OGDH: variants seen among roughly 807,000 people sequenced by gnomAD.
The protein encoded by OGDH is oxoglutarate dehydrogenase.
In OGDH, 38 loss-of-function variants were observed where a neutral mutation model predicts 116.6. That is an observed-to-expected ratio of 0.33 (90% CI 0.25 to 0.43). The LOEUF is 0.43. Ranked by LOEUF, OGDH falls within the 20% of genes least tolerant of loss-of-function variation. OGDH has a pLI of 1.00. For synonymous variants in OGDH, 488 were observed against 533.3 expected (o/e 0.92, Z 1.17); for missense variants, 825 against 1,357.2 (o/e 0.61, Z 6.16).
Position 44,675,327 on chromosome 7 carries a change from C to T in OGDH, c.1026+59C>T. ...GCCCCAACTTACACAAGACCCCTGG[C>T]TCCACTTCTTTCTTAGAATGACTTA... is the stretch of plus-strand genomic sequence containing the variant. On this transcript the variant is annotated intron_variant, in intron 8 of 22. Transcript: ENST00000222673. 4 of 1,365,470 alleles carry T rather than the reference C, an allele frequency of 2.9e-6. No homozygotes were observed. The South Asian group carries it at 4.8e-5, about 16-fold the overall frequency. 84.6% of individuals were successfully genotyped at this position (1,365,470 alleles called of 1,614,324 possible).
intron 2 of OGDH, among the ~76,000 whole-genome samples, chr7:44,644,239 T>G (rs748037487): frequency 4.7e-5 from 7 of 150,412 alleles, no homozygotes; most frequent in Non-Finnish European, 1.0e-4. Context: ...ATTGTGCTTT[T>G]CTTTTCTTTT....
chr7:44,674,046 G>A (rs1787583822), intron 6 of OGDH, 105 bp downstream of exon 6: 8 of 1,325,642 alleles, frequency 6.0e-6, no homozygotes, highest in Non-Finnish European at 8.4e-6. Flanking sequence ...GGTGAGAGGG[G>A]GTTTGGGGTG....
intron 1 of OGDH, among the ~76,000 whole-genome samples, chr7:44,610,977 A>G (rs1396403662): frequency 6.6e-6 from 1 of 152,140 alleles, no homozygotes; most frequent in African/African-American, 2.4e-5. Flanking sequence ...CTGGTTTACC[A>G]ATTTTATCTT....
chr7:44,613,006 G>A (rs926618312), intron 1 of OGDH, among the ~76,000 whole-genome samples: 2 of 151,008 alleles, frequency 1.3e-5, no homozygotes, highest in Admixed American at 1.3e-4. Flanking sequence ...TCAGCCTCCT[G>A]AGTAGCTGGG....
Position 44,697,529 on chromosome 7 carries a change from GTC to G in OGDH, c.2179+33_2179+34del, listed in dbSNP as rs1337439894. 1 of 1,613,208 alleles carries G rather than the reference GTC, an allele frequency of 6.2e-7. No homozygotes were observed. Among genetic ancestry groups the G allele is most frequent in the Non-Finnish European group, 8.5e-7 (1 of 1,179,416 alleles). On this transcript the variant is annotated intron_variant, in intron 16 of 22. Transcript: ENST00000222673. This position sits in a 1 kb window ranked among gnomAD's most constrained non-coding sequence, Gnocchi z 6.0. Reference sequence around the variant, plus strand: ...GCCTGGAGCCACACCACCAGGGCCTGTCACCCACCCACCCCCGCTGGGCCTAC... The same window carrying G: ...GCCTGGAGCCACACCACCAGGGCCTGACCCACCCACCCCCGCTGGGCCTAC...
intron 10 of OGDH, among the ~76,000 whole-genome samples, chr7:44,690,678 A>G (rs960437187): frequency 1.3e-5 from 2 of 152,216 alleles, no homozygotes; most frequent in African/African-American, 4.8e-5. Context: ...CACCTCCGTC[A>G]TGTGTGCTGC....
At chr7:44,645,991 G>C (rs1786160727) in intron 3 of OGDH, among the ~76,000 whole-genome samples, 2 of 152,182 alleles carry the variant, frequency 1.3e-5, no homozygotes, top group Non-Finnish European at 2.9e-5. Context: ...TGAGGGTACA[G>C]CTGAGCCTAC....
At chr7:44,664,729 G>A (rs920895748) in intron 4 of OGDH, among the ~76,000 whole-genome samples, 6 of 152,084 alleles carry the variant, frequency 3.9e-5, no homozygotes, top group Admixed American at 6.5e-5. Flanking sequence ...ACTTATTGGG[G>A]GAATAGGGAA....
intron 2 of OGDH, among the ~76,000 whole-genome samples, chr7:44,636,772 G>T (rs546972439): frequency 4.4e-4 from 67 of 152,306 alleles, no homozygotes; most frequent in African/African-American, 1.6e-3. Context: ...ATTTATTACA[G>T]CTAAGTGCTT....
In OGDH at chr7:44,629,575, CTTTTCTTT is replaced by C. The variant is rs1165862433; in HGVS notation, c.222+5015_222+5022del. Among the ~76,000 whole-genome samples, 188 of 134,416 alleles carry C rather than the reference CTTTTCTTT, an allele frequency of 1.4e-3. 7 individuals carry two copies. Among genetic ancestry groups the C allele is most frequent in the African/African-American group, 3.7e-3 (133 of 36,076 alleles). The allele number at this position is 134,416 out of a possible 152,430, so 88.2% of individuals were successfully genotyped here. A position where few individuals can be genotyped will look rare whatever the true frequency, so the allele number is the denominator to read the frequency against. ...TTTCTTTTCTTTCCTTTTTCTTTTT[CTTTTCTTT>C]TTTTTTTTTTTTTTTGAGACGAGTC... On this transcript the variant is annotated intron_variant, in intron 2 of 22. Transcript: ENST00000222673.
At chr7:44,637,760 A>C (rs1198245028) in intron 2 of OGDH, among the ~76,000 whole-genome samples, 1 of 151,976 alleles carries the variant, frequency 6.6e-6, no homozygotes, top group East Asian at 1.9e-4. Flanking sequence ...GGGTGGTTGC[A>C]GTGAGCCAAG....
Position 44,697,333 on chromosome 7 carries a change from A to G in OGDH, c.2052-37A>G. 1 of 1,611,870 alleles carries G rather than the reference A, an allele frequency of 6.2e-7. No homozygotes were observed. Among genetic ancestry groups the G allele is most frequent in the Non-Finnish European group, 8.5e-7 (1 of 1,178,150 alleles). On this transcript the variant is annotated intron_variant, in intron 15 of 22. Transcript: ENST00000222673. This position sits in a 1 kb window ranked among gnomAD's most constrained non-coding sequence, Gnocchi z 6.0. ...CCCCAGCGTATTTGCTTGTCAAGTC[A>G]GAGCTCCTAATTATTACCTCTGTTG...
chr7:44,650,920 G>A (rs1458692756), intron 4 of OGDH, among the ~76,000 whole-genome samples: 6 of 152,196 alleles, frequency 3.9e-5, no homozygotes, highest in Admixed American at 6.5e-5. Flanking sequence ...CCGCTTAGCC[G>A]CCCTTCCCAC....
At chr7:44,629,909 C>T (rs1463042339) in intron 2 of OGDH, among the ~76,000 whole-genome samples, 1 of 152,136 alleles carries the variant, frequency 6.6e-6, no homozygotes, top group Non-Finnish European at 1.5e-5. Context: ...GTTTTTTCTT[C>T]TTGCACTTTT....
intron 9 of OGDH, among the ~76,000 whole-genome samples, chr7:44,677,867 C>G (rs1787766321): frequency 6.7e-6 from 1 of 149,372 alleles, no homozygotes; most frequent in Non-Finnish European, 1.5e-5. Context: ...GAGGGAGACT[C>G]CTTCTCAAAG....
At chr7:44,608,421 G>A (rs1217633849) in intron 1 of OGDH, among the ~76,000 whole-genome samples, 1 of 151,048 alleles carries the variant, frequency 6.6e-6, no homozygotes, top group Non-Finnish European at 1.5e-5. Flanking sequence ...AAAAAAGGCC[G>A]GGCGCAGTGG....
In OGDH at chr7:44,630,860, T is replaced by C. The variant is rs565288502; in HGVS notation, c.222+6295T>C. Among the ~76,000 whole-genome samples, 3 of 152,356 alleles carry C rather than the reference T, an allele frequency of 2.0e-5. No individual in the cohort carries two copies. The South Asian group carries it at 6.2e-4, about 32-fold the overall frequency. Reference sequence around the variant, plus strand: ...GGGGAGGATGGCTTTGCAGTGAAACTGTTCCACCTCACATCAGGCATTAGT... The same window carrying C: ...GGGGAGGATGGCTTTGCAGTGAAACCGTTCCACCTCACATCAGGCATTAGT... On this transcript the variant is annotated intron_variant, in intron 2 of 22. Coordinates refer to ENST00000222673, the MANE Select transcript of OGDH (RefSeq NM_002541.4).
intron 1 of OGDH, among the ~76,000 whole-genome samples, chr7:44,611,867 C>T (rs961523645): frequency 2.0e-5 from 3 of 150,410 alleles, no homozygotes; most frequent in African/African-American, 4.9e-5. Flanking sequence ...TTGTGGCCAG[C>T]TTTTTTTGAG....
At chr7:44,628,347 ATTTTG>A (rs1785288712) in intron 2 of OGDH, among the ~76,000 whole-genome samples, 1 of 151,056 alleles carries the variant, frequency 6.6e-6, no homozygotes, top group African/African-American at 2.4e-5. Flanking sequence ...GCCCTTTTAC[ATTTTG>A]TTTTGTTTTG....
Sources: gnomAD v4.1 joint callset for allele counts (sites outside exome capture counted in the v4.1 genomes callset) on GRCh38, gnomAD v4.1.1 for gene constraint, Gnocchi (gnomAD v3.1) non-coding constraint, MANE v1.5 for transcripts, NCBI Gene and HGNC (gene_info 2026-07-23, HGNC 2026-07-21) for gene names.